MAML3: variants seen among roughly 807,000 people sequenced by gnomAD.
The protein encoded by MAML3 is mastermind like transcriptional coactivator 3.
In MAML3, 27 loss-of-function variants were observed where a neutral mutation model predicts 101.9. The observed-to-expected ratio is 0.27, with a 90% CI of 0.20 to 0.37. MAML3 has a LOEUF of 0.37. Among genes scored for constraint, MAML3 ranks in the 10% least tolerant of loss-of-function variants. The probability of loss-of-function intolerance (pLI) is 1.00; values close to 1 mark genes in which losing one functional copy is unlikely to be tolerated. For missense variants in MAML3, 1,316 were observed against 1,444.9 expected (o/e 0.91, Z 1.45); for synonymous variants, 501 against 555.9 (o/e 0.90, Z 1.39).
intron 1 of MAML3, among the ~76,000 whole-genome samples, chr4:140,069,370 A>C (rs2110949899): frequency 7.5e-6 from 1 of 133,524 alleles, no homozygotes. Context: ...GAGAAGAAGA[A>C]GAAGAAGAAG....
chr4:140,101,108 G>T (rs781337013), intron 1 of MAML3, among the ~76,000 whole-genome samples: 38 of 152,228 alleles, frequency 2.5e-4, no homozygotes, highest in Middle Eastern at 3.4e-3. Context: ...CTGACTAACA[G>T]CAAGGGACCA....
At chr4:139,952,410 G>T (rs535111032) in intron 1 of MAML3, among the ~76,000 whole-genome samples, 1 of 152,136 alleles carries the variant, frequency 6.6e-6, no homozygotes, top group Non-Finnish European at 1.5e-5. Context: ...AGGGACAAAA[G>T]CTGAACTTAA....
chr4:139,853,257 C>G (rs999981104), intron 2 of MAML3, among the ~76,000 whole-genome samples: 1 of 152,230 alleles, frequency 6.6e-6, no homozygotes, highest in African/African-American at 2.4e-5. Flanking sequence ...AAAGTTGCTC[C>G]TTTCCTCAAG....
intron 1 of MAML3, among the ~76,000 whole-genome samples, chr4:139,988,676 A>G (rs199545240): frequency 1.5e-3 from 224 of 152,296 alleles, no homozygotes; most frequent in South Asian, 5.6e-3. Context: ...GAGAGTAGAA[A>G]TATTTGCATC....
chr4:140,073,170 C>T (rs1182983593), intron 1 of MAML3, among the ~76,000 whole-genome samples: 6 of 150,752 alleles, frequency 4.0e-5, no homozygotes, highest in African/African-American at 1.5e-4. Flanking sequence ...TACAGTCTCT[C>T]TCTGTCACCC....
At chr4:139,739,016 A>G (rs1729062429) in intron 2 of MAML3, among the ~76,000 whole-genome samples, 1 of 152,312 alleles carries the variant, frequency 6.6e-6, no homozygotes, top group Non-Finnish European at 1.5e-5. Context: ...CCTTCCTGGC[A>G]AGGCTTTTAA....
chr4:139,847,952 T>C (rs1046955401), intron 2 of MAML3, among the ~76,000 whole-genome samples: 6 of 152,206 alleles, frequency 3.9e-5, no homozygotes, highest in African/African-American at 1.4e-4. Flanking sequence ...GGAGACTATT[T>C]TAGGGATCTC....
rs145024260 is a variant in MAML3, at chr4:139,974,053, C to G, written c.469-83086G>C. 2.6e-5 allele frequency among the ~76,000 whole-genome samples: 4 copies of G among 151,862 alleles called. No homozygotes were observed. In the East Asian group the frequency reaches 7.7e-4, roughly 29 times the overall value. On this transcript the variant is annotated intron_variant, in intron 1 of 4. Coordinates refer to ENST00000509479, the MANE Select transcript of MAML3 (RefSeq NM_018717.5). ...TGGTTGATGAATTAACGGCCTACAA[C>G]GTTCCTTTAAAACCAAACCACCTAA...
At chr4:139,755,002 C>T (rs929335367) in intron 2 of MAML3, among the ~76,000 whole-genome samples, 2 of 152,182 alleles carry the variant, frequency 1.3e-5, no homozygotes, top group Admixed American at 1.3e-4. Context: ...TTCGGCGTGG[C>T]GAATGCCTGA....
At chr4:139,907,592 A>G (rs1226011117) in intron 1 of MAML3, among the ~76,000 whole-genome samples, 2 of 152,228 alleles carry the variant, frequency 1.3e-5, no homozygotes, top group Non-Finnish European at 2.9e-5. Context: ...GACTCATTCA[A>G]AAGAATTTGT....
At chr4:139,751,574 G>T (rs1729501753) in intron 2 of MAML3, among the ~76,000 whole-genome samples, 1 of 152,158 alleles carries the variant, frequency 6.6e-6, no homozygotes, top group Non-Finnish European at 1.5e-5. Flanking sequence ...TTGGATTTTG[G>T]AGGATTTTGG....
chr4:139,769,265 T>C (rs899566179), intron 2 of MAML3, among the ~76,000 whole-genome samples: 19 of 152,298 alleles, frequency 1.2e-4, no homozygotes, highest in African/African-American at 4.6e-4. Flanking sequence ...GCATCCCTCA[T>C]GCCCAGAGAG....
At chr4:139,981,886 G>A (rs756555085) in intron 1 of MAML3, among the ~76,000 whole-genome samples, 7 of 152,066 alleles carry the variant, frequency 4.6e-5, no homozygotes, top group Non-Finnish European at 8.8e-5. Context: ...TTCTCATCAC[G>A]TCATATCAAG....
At chr4:139,996,171 C>A (rs2110836106) in intron 1 of MAML3, among the ~76,000 whole-genome samples, 1 of 152,174 alleles carries the variant, frequency 6.6e-6, no homozygotes, top group East Asian at 1.9e-4. Flanking sequence ...GCCTAGCATA[C>A]AGTATATTCT....
chr4:139,930,755 G>T (rs897345356), intron 1 of MAML3, among the ~76,000 whole-genome samples: 5 of 152,078 alleles, frequency 3.3e-5, no homozygotes, highest in African/African-American at 1.2e-4. Flanking sequence ...TTTAAATGAG[G>T]AGTAACGTGA....
chr4:140,024,297 A>AG (rs907849241), intron 1 of MAML3, among the ~76,000 whole-genome samples: 5 of 151,246 alleles, frequency 3.3e-5, no homozygotes, highest in African/African-American at 1.2e-4. Context: ...GTGCTATCAC[A>AG]GCTCACTGCA....
chr4:139,733,464 AAG>A (rs964918652), intron 2 of MAML3, among the ~76,000 whole-genome samples: 1 of 152,034 alleles, frequency 6.6e-6, no homozygotes, highest in African/African-American at 2.4e-5. Context: ...TGGGAAAAGA[AAG>A]AGAGAGGCAA....
At chr4:139,914,566 T>C (rs554919334) in intron 1 of MAML3, among the ~76,000 whole-genome samples, 83 of 152,244 alleles carry the variant, frequency 5.5e-4, no homozygotes, top group Non-Finnish European at 8.4e-4. Context: ...AGAGCTAGAC[T>C]GTGAGCTTAG....
At chr4:140,001,037 G>GA (rs1190639876) in intron 1 of MAML3, among the ~76,000 whole-genome samples, 4 of 151,022 alleles carry the variant, frequency 2.6e-5, no homozygotes, top group Admixed American at 1.3e-4. Context: ...TCAAAAAAAA[G>GA]AAAAAAAAGA....
Sources: gnomAD v4.1 joint callset for allele counts (sites outside exome capture counted in the v4.1 genomes callset) on GRCh38, gnomAD v4.1.1 for gene constraint, MANE v1.5 for transcripts, NCBI Gene and HGNC (gene_info 2026-07-23, HGNC 2026-07-21) for gene names.